The following GNG12 variants were observed in gnomAD, a reference collection of about 807,000 sequenced individuals.
GNG12 encodes the protein G protein subunit gamma 12, also known as guanine nucleotide-binding protein G(I)/G(S)/G(O) subunit gamma-12.
For missense variants in GNG12, 69 were observed against 83.8 expected (o/e 0.82, Z 0.69); for synonymous variants, 28 against 29.7 (o/e 0.94, Z 0.19).
intron 1 of GNG12, among the ~76,000 whole-genome samples, chr1:67,779,236 G>A (rs1646723594): frequency 6.6e-6 from 1 of 152,270 alleles, no homozygotes; most frequent in South Asian, 2.1e-4. Flanking sequence ...TTAATCCACA[G>A]GCCGCAAAAG....
chr1:67,760,807 T>A (rs1478170981), intron 2 of GNG12, among the ~76,000 whole-genome samples: 1 of 152,172 alleles, frequency 6.6e-6, no homozygotes, highest in Non-Finnish European at 1.5e-5. Context: ...CACGTCTCGA[T>A]CCTTGCAGTC....
rs575860559 is a variant in GNG12, at chr1:67,786,808, G to A, written c.-76-9301C>T. On this transcript the variant is annotated intron_variant, in intron 1 of 3. Transcript: ENST00000370982. Reference sequence around the variant, plus strand: ...AAAAACTAGCCAGGCATGATGGCACGTGCCTGTACTCCCAGCTACTTGGGA... The same window carrying A: ...AAAAACTAGCCAGGCATGATGGCACATGCCTGTACTCCCAGCTACTTGGGA... Among the ~76,000 whole-genome samples, 29 of 152,030 alleles carry A rather than the reference G, an allele frequency of 1.9e-4. No homozygotes were observed. The South Asian group carries it at 5.8e-3, about 30-fold the overall frequency.
At chr1:67,730,429 G>A (rs1276842993) in intron 2 of GNG12, among the ~76,000 whole-genome samples, 1 of 152,160 alleles carries the variant, frequency 6.6e-6, no homozygotes, top group Non-Finnish European at 1.5e-5. Flanking sequence ...TTGAACCCAG[G>A]AGGAGGCGGA....
intron 2 of GNG12, among the ~76,000 whole-genome samples, chr1:67,743,270 A>G (rs1027998911): frequency 6.6e-6 from 1 of 152,218 alleles, no homozygotes; most frequent in Non-Finnish European, 1.5e-5. Flanking sequence ...CAGTGTCAAG[A>G]TTTAGTATGC....
At chr1:67,765,733 TA>T (rs1646632198) in intron 2 of GNG12, among the ~76,000 whole-genome samples, 1 of 152,228 alleles carries the variant, frequency 6.6e-6, no homozygotes, top group South Asian at 2.1e-4. Context: ...GTAGCAGGTG[TA>T]AATGAAACGA....
At chr1:67,773,022 C>T (rs994322756) in intron 2 of GNG12, among the ~76,000 whole-genome samples, 1 of 152,222 alleles carries the variant, frequency 6.6e-6, no homozygotes, top group Non-Finnish European at 1.5e-5. Flanking sequence ...CTCCTGAATA[C>T]AGCTGTGCCT....
chr1:67,730,504 C>T (rs12068891), intron 2 of GNG12, among the ~76,000 whole-genome samples: 13,734 of 152,058 alleles, frequency 0.09, 651 homozygotes, highest in Admixed American at 0.11. Flanking sequence ...GACGCCACCC[C>T]CCAACCGCCC....
At chr1:67,737,159 T>C (rs994292403) in intron 2 of GNG12, among the ~76,000 whole-genome samples, 1 of 152,232 alleles carries the variant, frequency 6.6e-6, no homozygotes, top group African/African-American at 2.4e-5. Context: ...AGGTAAATTA[T>C]CTACTGCAAA....
chr1:67,773,309 T>C (rs1318102828), intron 2 of GNG12, among the ~76,000 whole-genome samples: 1 of 152,202 alleles, frequency 6.6e-6, no homozygotes, highest in Non-Finnish European at 1.5e-5. Context: ...CAATGGTTCA[T>C]CTTACCAGTG....
intron 2 of GNG12, among the ~76,000 whole-genome samples, chr1:67,765,998 A>G (rs1166720903): frequency 2.0e-5 from 3 of 152,162 alleles, no homozygotes; most frequent in African/African-American, 7.2e-5. Context: ...GTGAGCCTTA[A>G]GCCTGGTGGC....
intron 2 of GNG12, among the ~76,000 whole-genome samples, chr1:67,739,560 G>C (rs527638126): frequency 7.1e-4 from 108 of 152,158 alleles, no homozygotes; most frequent in Non-Finnish European, 1.2e-3. Context: ...TCTTGTCCTG[G>C]GATCAGAGAT....
intron 2 of GNG12, among the ~76,000 whole-genome samples, chr1:67,713,227 A>G (rs966186441): frequency 7.2e-5 from 11 of 152,212 alleles, no homozygotes; most frequent in African/African-American, 2.2e-4. Context: ...CAGAAGGGCC[A>G]AGGCCTGTGC....
chr1:67,816,171 C>T lies in GNG12; in HGVS notation c.-77+17173G>A, dbSNP rs189701469. Among the ~76,000 whole-genome samples, 14 of 152,134 alleles carry T rather than the reference C, an allele frequency of 9.2e-5. No homozygotes were observed. The East Asian group carries it at 1.2e-3, about 13-fold the overall frequency. ...TCTAATGAAAGAAAAAGATAATGTA[C>T]GAAATCATACATTTTGAGCTTTCCT... On this transcript the variant is annotated intron_variant, in intron 1 of 3. Transcript: ENST00000370982.
At chr1:67,741,675 A>G (rs1015484612) in intron 2 of GNG12, among the ~76,000 whole-genome samples, 6 of 152,248 alleles carry the variant, frequency 3.9e-5, no homozygotes, top group Non-Finnish European at 2.9e-5. Context: ...AAAATACTGT[A>G]TAACTTGAAA....
rs1435720377 is a variant in GNG12 at position 67,702,014 on chromosome 1, A to C, written c.*3437T>G. 1 of 152,756 alleles carries C rather than the reference A, an allele frequency of 6.5e-6. No homozygotes were observed. The highest frequency in any genetic ancestry group is 6.5e-5 in the Admixed American group (1 of 15,278). The allele number at this position is 152,756 out of a possible 1,614,324, so 9.5% of individuals were successfully genotyped here. ...CTCTCAGCCATCATCTACTGCAGCC[A>C]CTTGTTTTACAAATGGAGAAATAGA... On this transcript the variant is annotated 3_prime_UTR_variant, in exon 4 of 4. Coordinates refer to ENST00000370982, the MANE Select transcript of GNG12 (RefSeq NM_018841.6).
At chr1:67,797,298 A>C (rs1451938282) in intron 1 of GNG12, among the ~76,000 whole-genome samples, 3 of 152,202 alleles carry the variant, frequency 2.0e-5, no homozygotes, top group Non-Finnish European at 4.4e-5. Flanking sequence ...TTTTCTACTC[A>C]TACCTAACTT....
chr1:67,744,343 A>C (rs936080023), intron 2 of GNG12, among the ~76,000 whole-genome samples: 2 of 152,152 alleles, frequency 1.3e-5, no homozygotes, highest in Non-Finnish European at 2.9e-5. Context: ...TAAACAGCAG[A>C]GTTTTTGTAC....
chr1:67,711,024 C>T lies in GNG12; in HGVS notation c.-26-3312G>A, dbSNP rs563123710. On this transcript the variant is annotated intron_variant, in intron 2 of 3. Coordinates refer to ENST00000370982, the MANE Select transcript of GNG12 (RefSeq NM_018841.6). ...CTAGCCCCTTCTCCTGCTCTGCTACCCCTCTCAGGCTCCTAACTCAATTTC... is the reference window on the plus strand; with the variant it reads ...CTAGCCCCTTCTCCTGCTCTGCTACTCCTCTCAGGCTCCTAACTCAATTTC... 9.2e-5 allele frequency among the ~76,000 whole-genome samples: 14 copies of T among 152,304 alleles called. No homozygotes were observed. In the South Asian group the frequency reaches 2.5e-3, roughly 27 times the overall value.
At chr1:67,712,698 A>T (rs956763128) in intron 2 of GNG12, among the ~76,000 whole-genome samples, 5 of 152,116 alleles carry the variant, frequency 3.3e-5, no homozygotes, top group Non-Finnish European at 7.3e-5. Context: ...CATTTAAAAA[A>T]AAAAAGTTAA....
Sources: gnomAD v4.1 joint callset for allele counts (sites outside exome capture counted in the v4.1 genomes callset) on GRCh38, gnomAD v4.1.1 for gene constraint, MANE v1.5 for transcripts, NCBI Gene and HGNC (gene_info 2026-07-23, HGNC 2026-07-21) for gene names.